DGKB: variants seen among roughly 807,000 people sequenced by gnomAD.
The protein encoded by DGKB is diacylglycerol kinase beta.
DGKB carries 67 observed loss-of-function variants against 114.3 expected under a neutral mutation model. The ratio of observed to expected loss-of-function variants is 0.59; its 90% CI spans 0.48 to 0.72. The LOEUF is 0.72. Ranked by LOEUF, DGKB falls within the 30% of genes least tolerant of loss-of-function variation. DGKB has a pLI of 0.00. For synonymous variants in DGKB, 398 were observed against 323.1 expected (o/e 1.23, Z -2.49); for missense variants, 907 against 975.2 (o/e 0.93, Z 0.93).
chr7:14,208,120 T>A (rs902848296), intron 23 of DGKB, among the ~76,000 whole-genome samples: 2 of 152,166 alleles, frequency 1.3e-5, no homozygotes, highest in Admixed American at 6.6e-5. Context: ...AAGTATTTAA[T>A]CTGTATAAGC....
chr7:14,325,811 T>C (rs536373300), intron 23 of DGKB, among the ~76,000 whole-genome samples: 1 of 152,320 alleles, frequency 6.6e-6, no homozygotes, highest in African/African-American at 2.4e-5. Flanking sequence ...GGTCCACGGT[T>C]AGAAAATGGC....
intron 2 of DGKB, among the ~76,000 whole-genome samples, chr7:14,826,697 G>A (rs1056558619): frequency 4.6e-5 from 7 of 152,066 alleles, no homozygotes; most frequent in African/African-American, 1.7e-4. Flanking sequence ...ACTTCTCTGG[G>A]CTTTAATTTC....
In DGKB at chr7:14,673,020, T is replaced by C. The variant is rs1326602792; in HGVS notation, c.1043A>G (p.Asn348Ser). Reference sequence around the variant, plus strand: ...AGGTTTTAGATGAGAAGCACATTTATTATGCAGCTAGAAAAACAGAAAGGG... The same window carrying C: ...AGGTTTTAGATGAGAAGCACATTTACTATGCAGCTAGAAAAACAGAAAGGG... Reference protein sequence around the residue: ...HCVWCQITLHNKCASHLKPEC... With the variant: ...HCVWCQITLHSKCASHLKPEC... The change falls in exon 13 of 26, where the codon AAT (asparagine) becomes AGT (serine). Residue 348 changes from asparagine (N) to serine (S), a missense_variant. By Grantham distance (46) the Asn-to-Ser change is conservative (BLOSUM62 1). Transcript: ENST00000402815. 3 of 1,564,340 alleles carry C rather than the reference T, an allele frequency of 1.9e-6. No individual in the cohort carries two copies. Among genetic ancestry groups the C allele is most frequent in the Non-Finnish European group, 1.7e-6 (2 of 1,152,106 alleles).
intron 1 of DGKB, among the ~76,000 whole-genome samples, chr7:14,898,733 C>T (rs1003498340): frequency 4.6e-5 from 7 of 152,196 alleles, no homozygotes; most frequent in Admixed American, 3.3e-4. Flanking sequence ...AATGTATTTG[C>T]AAAGCTCTGT....
intron 23 of DGKB, among the ~76,000 whole-genome samples, chr7:14,257,881 C>G (rs1796176089): frequency 6.6e-6 from 1 of 152,068 alleles, no homozygotes; most frequent in East Asian, 1.9e-4. Context: ...TGCCCACCAC[C>G]ATGCTCGGCT....
At chr7:14,579,682 C>T (rs1271293014) in intron 19 of DGKB, among the ~76,000 whole-genome samples, 7 of 152,102 alleles carry the variant, frequency 4.6e-5, no homozygotes, top group Non-Finnish European at 7.3e-5. Flanking sequence ...ACATACTAAG[C>T]TCTTGACTTA....
intron 23 of DGKB, among the ~76,000 whole-genome samples, chr7:14,264,182 G>T (rs1480555477): frequency 6.6e-6 from 1 of 152,198 alleles, no homozygotes; most frequent in Non-Finnish European, 1.5e-5. Context: ...ACAGTGGATT[G>T]ACTGTTATAT....
At chr7:14,703,644 G>A (rs557223091) in intron 6 of DGKB, among the ~76,000 whole-genome samples, 4 of 152,226 alleles carry the variant, frequency 2.6e-5, no homozygotes, top group South Asian at 2.1e-4. Context: ...ATGGGAGGCG[G>A]CAGTGATTTC....
intron 23 of DGKB, among the ~76,000 whole-genome samples, chr7:14,321,721 T>C (rs1040806163): frequency 5.9e-5 from 9 of 152,194 alleles, no homozygotes; most frequent in South Asian, 2.1e-4. Flanking sequence ...AGTATTAGAA[T>C]TGATAAGTGA....
In DGKB at chr7:14,146,780, G is replaced by C. The variant is rs961419228; in HGVS notation, c.*2351C>G. Reference sequence around the variant, plus strand: ...CCAAAGAATCCATCTGACTGAAAATGTAACCACTATTAGCACTAATTGTAG... The same window carrying C: ...CCAAAGAATCCATCTGACTGAAAATCTAACCACTATTAGCACTAATTGTAG... On this transcript the variant is annotated 3_prime_UTR_variant, in exon 26 of 26. Coordinates refer to ENST00000402815, the MANE Select transcript of DGKB (RefSeq NM_001350709.2). 6.6e-6 allele frequency: 1 copy of C among 152,086 alleles called. No individual in the cohort carries two copies. Among genetic ancestry groups the C allele is most frequent in the African/African-American group, 2.4e-5 (1 of 41,430 alleles). 9.4% of individuals were successfully genotyped at this position (152,086 alleles called of 1,614,324 possible).
intron 12 of DGKB, among the ~76,000 whole-genome samples, chr7:14,673,461 G>A (rs1227128414): frequency 1.4e-5 from 2 of 146,302 alleles, no homozygotes; most frequent in Non-Finnish European, 1.5e-5. Context: ...GCACAGCTCA[G>A]TATGGGGCAT....
In DGKB at chr7:14,148,817, T is replaced by C. The variant is rs1781761724; in HGVS notation, c.*314A>G. ...TCCTTTTTCATGTTTCACGGGTTTT[T>C]CTCACAGGTTAGTAAAAGGAAATTG... is the stretch of plus-strand genomic sequence containing the variant. On this transcript the variant is annotated 3_prime_UTR_variant, in exon 26 of 26. Coordinates refer to ENST00000402815, the MANE Select transcript of DGKB (RefSeq NM_001350709.2). The C allele has an allele frequency of 2.7e-6, 1 of 364,244 alleles. No homozygotes were observed. Among genetic ancestry groups the C allele is most frequent in the Non-Finnish European group, 5.0e-6 (1 of 199,122 alleles). 22.6% of individuals were successfully genotyped at this position (364,244 alleles called of 1,614,324 possible). A position where few individuals can be genotyped will look rare whatever the true frequency, so the allele number is the denominator to read the frequency against.
intron 14 of DGKB, among the ~76,000 whole-genome samples, chr7:14,625,212 C>G (rs77582462): frequency 6.6e-6 from 1 of 152,048 alleles, no homozygotes; most frequent in African/African-American, 2.4e-5. Context: ...CACACAGACA[C>G]ACGCATCAAG....
chr7:14,490,575 T>C (rs1296605018), intron 20 of DGKB, among the ~76,000 whole-genome samples: 1 of 152,200 alleles, frequency 6.6e-6, no homozygotes, highest in Admixed American at 6.6e-5. Context: ...GTGGATTTAA[T>C]TCCTGAAAGT....
chr7:14,736,283 G>T, intron 4 of DGKB, 89 bp from the exon 5 acceptor site: 1 of 795,948 alleles, frequency 1.3e-6, no homozygotes, highest in Non-Finnish European at 1.9e-6. Flanking sequence ...AAGTAGAAAT[G>T]ACCTCAAACC....
chr7:14,941,782 G>A (rs1045195913), intron 1 of DGKB, among the ~76,000 whole-genome samples: 8 of 152,018 alleles, frequency 5.3e-5, no homozygotes, highest in African/African-American at 1.9e-4. Flanking sequence ...AATGGAAAGA[G>A]ACTGAAAGAT....
intron 14 of DGKB, among the ~76,000 whole-genome samples, chr7:14,624,889 C>A (rs911733121): frequency 6.6e-6 from 1 of 151,984 alleles, no homozygotes; most frequent in East Asian, 1.9e-4. Flanking sequence ...GTCCCAGTTA[C>A]TCTGGAAGCT....
At position 14,318,383 on chromosome 7, in the gene DGKB, C is replaced by T. The variant is rs970453612; in HGVS notation, c.2122+20132G>A. Among the ~76,000 whole-genome samples, 287 of 152,154 alleles carry T rather than the reference C, an allele frequency of 1.9e-3. 1 individual carries two copies. Among genetic ancestry groups the T allele is most frequent in the Non-Finnish European group, 3.1e-3 (208 of 68,010 alleles). ...AATGGGAGAAAATTTTCGCAACCTA[C>T]TCATCTGACAAAGGGCTAATATCCA... On this transcript the variant is annotated intron_variant, in intron 23 of 25. Transcript: ENST00000402815.
chr7:14,949,483 A>G (rs1484600255), intron 1 of DGKB, among the ~76,000 whole-genome samples: 1 of 152,058 alleles, frequency 6.6e-6, no homozygotes, highest in African/African-American at 2.4e-5. Flanking sequence ...AGGAAAAAGA[A>G]GAAATATTAA....
Sources: allele counts gnomAD v4.1 joint callset (sites outside exome capture counted in the v4.1 genomes callset), GRCh38; gene constraint gnomAD v4.1.1; transcripts MANE v1.5; gene names NCBI Gene and HGNC (gene_info 2026-07-23, HGNC 2026-07-21).